APC: variants seen among roughly 807,000 people sequenced by gnomAD.
APC encodes APC regulator of Wnt signaling pathway.
APC carries 72 observed loss-of-function variants against 247.0 expected under a neutral mutation model. The observed-to-expected ratio is 0.29, with a 90% confidence interval of 0.24 to 0.35. The LOEUF (loss-of-function observed/expected upper bound fraction) is 0.35, where lower values mean the gene tolerates loss of function less well. APC is among the 10% of genes least tolerant of loss of function. The pLI is 1.00. For synonymous variants in APC, 1,254 were observed against 1,162.5 expected, an observed-to-expected ratio of 1.08 and a Z score of -1.60; for missense variants, 3,400 against 3,360.7, an observed-to-expected ratio of 1.01 and a Z score of -0.29.
intron 1 of APC, among the ~76,000 whole-genome samples, chr5:112,727,150 A>G (rs910472143): frequency 1.6e-4 from 24 of 151,900 alleles, no homozygotes; most frequent in African/African-American, 5.1e-4. Context: ...GAGGTTTCCA[A>G]TTTGATTGAC....
chr5:112,748,170 G>A (rs1753894394), intron 1 of APC, among the ~76,000 whole-genome samples: 2 of 152,288 alleles, frequency 1.3e-5, no homozygotes, highest in East Asian at 1.9e-4. Context: ...GCTTGGATAG[G>A]TCTAGCCAGT....
chr5:112,773,984 A>G (rs1757326229), intron 4 of APC, among the ~76,000 whole-genome samples: 1 of 152,206 alleles, frequency 6.6e-6, no homozygotes. Context: ...GGTAGCATAC[A>G]TTGGTATAAC....
chr5:112,774,988 C>A (rs976880835), intron 4 of APC, among the ~76,000 whole-genome samples: 1 of 152,008 alleles, frequency 6.6e-6, no homozygotes, highest in African/African-American at 2.4e-5. Flanking sequence ...CTTTTTGTAC[C>A]TCTTGAGTTT....
At chr5:112,737,677 G>GGGGCTA (rs1011523014), upstream of APC, among the ~76,000 whole-genome samples, 19 of 152,364 alleles carry the variant, frequency 1.2e-4, no homozygotes, top group African/African-American at 4.3e-4. Flanking sequence ...CGAGGGGTAC[G>GGGGCTA]GGGCTAGGGC....
chr5:112,839,404 T>G lies in APC; in HGVS notation c.3810T>G (p.Cys1270Trp), dbSNP rs863225347. 6.2e-7 allele frequency: 1 copy of G among 1,614,126 alleles called. No individual in the cohort carries two copies. Among genetic ancestry groups the G allele is most frequent in the Non-Finnish European group, 8.5e-7 (1 of 1,179,998 alleles). Reference protein sequence around the residue: ...QTYCVEDTPICFSRCSSLSSL... With the variant: ...QTYCVEDTPIWFSRCSSLSSL... ...ATTGTGTAGAAGATACTCCAATATG[T>G]TTTTCAAGATGTAGTTCATTATCAT... The change falls in exon 16 of 16, where the codon TGT becomes TGG. Residue 1270 changes from cysteine to tryptophan, a missense_variant. Physicochemically the swap from Cys to Trp is radical, Grantham distance 215 (BLOSUM62 -2). Around this residue, in one of 9 missense-constraint regions of APC, gnomAD observed 715 missense variants for 656.6 expected, o/e 1.09. Transcript: ENST00000257430. The surrounding 1 kb of genome is among the most constrained non-coding windows in gnomAD (Gnocchi z 5.0).
At chr5:112,823,308 T>C (rs1373567788) in intron 11 of APC, 1 of 152,586 alleles carries the variant, frequency 6.6e-6, no homozygotes, top group Non-Finnish European at 1.5e-5. Flanking sequence ...CTTCTTCAGG[T>C]AGGAAGGCTA....
intron 5 of APC, among the ~76,000 whole-genome samples, chr5:112,780,250 T>G (rs1758176645): frequency 6.6e-6 from 1 of 152,222 alleles, no homozygotes; most frequent in South Asian, 2.1e-4. Flanking sequence ...ATCTACTCTA[T>G]TTATGATTAT....
rs1765280793 is a variant in APC, at chr5:112,838,440, T to A, written c.2846T>A (p.Met949Lys). 1 of 1,614,228 alleles carries A rather than the reference T, an allele frequency of 6.2e-7. No homozygotes were observed. Among genetic ancestry groups the A allele is most frequent in the Non-Finnish European group, 8.5e-7 (1 of 1,180,044 alleles). ...KSENSNRTCS[M>K]PYAKLEYKRS... Reference sequence around the variant, plus strand: ...GAAAATTCAAATAGGACATGTTCTATGCCTTATGCCAAATTAGAATACAAG... The same window carrying A: ...GAAAATTCAAATAGGACATGTTCTAAGCCTTATGCCAAATTAGAATACAAG... The change falls in exon 16 of 16, where the codon ATG (methionine) becomes AAG (lysine). Residue 949 changes from methionine (M) to lysine (K), a missense_variant. By Grantham distance (95) the Met-to-Lys change is moderately conservative. Around this residue, in one of 9 missense-constraint regions of APC, gnomAD observed 715 missense variants for 656.6 expected, o/e 1.09. Transcript: ENST00000257430.
rs370957131 is a variant in APC at position 112,768,999 on chromosome 5, T to G, written c.422+1609T>G. Among the ~76,000 whole-genome samples, 11 of 152,072 alleles carry G rather than the reference T, an allele frequency of 7.2e-5. No individual in the cohort carries two copies. In the South Asian group the frequency reaches 1.0e-3, roughly 14 times the overall value. Reference sequence around the variant, plus strand: ...TCCCTCTGTGTTTCCTAGCCTCTAGTATTTACTTTTTACTTCTGTTAGTAA... The same window carrying G: ...TCCCTCTGTGTTTCCTAGCCTCTAGGATTTACTTTTTACTTCTGTTAGTAA... On this transcript the variant is annotated intron_variant, in intron 4 of 15. Coordinates refer to ENST00000257430, the MANE Select transcript of APC (RefSeq NM_000038.6).
chr5:112,814,315 G>T (rs1762268105), intron 8 of APC, among the ~76,000 whole-genome samples: 1 of 152,088 alleles, frequency 6.6e-6, no homozygotes. Context: ...TTTGTTTTCA[G>T]GTGCCCATTG....
intron 1 of APC, among the ~76,000 whole-genome samples, chr5:112,719,035 G>T (rs1051602433): frequency 2.6e-5 from 4 of 152,186 alleles, no homozygotes; most frequent in African/African-American, 9.7e-5. Flanking sequence ...AAAAATACTT[G>T]TATGTGAGTA....
At chr5:112,765,203 C>G (rs1014701101) in intron 2 of APC, among the ~76,000 whole-genome samples, 5 of 152,186 alleles carry the variant, frequency 3.3e-5, no homozygotes, top group African/African-American at 4.8e-5. Flanking sequence ...CTTCTGGGCT[C>G]AAGTGATTCT....
intron 4 of APC, among the ~76,000 whole-genome samples, chr5:112,774,002 A>G (rs1757327839): frequency 6.6e-6 from 1 of 152,192 alleles, no homozygotes. Context: ...AACATCTCAC[A>G]AGGGCAGTAA....
At chr5:112,832,753 C>T (rs1026349340) in intron 14 of APC, among the ~76,000 whole-genome samples, 2 of 152,144 alleles carry the variant, frequency 1.3e-5, no homozygotes, top group African/African-American at 2.4e-5. Flanking sequence ...GAGCTGTTCT[C>T]CTCCATGAAA....
chr5:112,835,731 C>T (rs1428870362), intron 15 of APC, among the ~76,000 whole-genome samples: 1 of 151,932 alleles, frequency 6.6e-6, no homozygotes, highest in Admixed American at 6.6e-5. Context: ...CGCCACAACA[C>T]CCGGCTAATT....
At chr5:112,837,118 T>C (rs1240555333) in intron 15 of APC, among the ~76,000 whole-genome samples, 1 of 152,178 alleles carries the variant, frequency 6.6e-6, no homozygotes, top group African/African-American at 2.4e-5. Context: ...TGCAGAAAAA[T>C]CTTCAATCAA....
chr5:112,736,490 G>T (rs924445285), upstream of APC, among the ~76,000 whole-genome samples: 1 of 152,180 alleles, frequency 6.6e-6, no homozygotes, highest in African/African-American at 2.4e-5. Context: ...ACATTTTGTT[G>T]TGTGTCTATT....
chr5:112,770,453 A>G (rs1316984507), intron 4 of APC, among the ~76,000 whole-genome samples: 3 of 152,126 alleles, frequency 2.0e-5, no homozygotes, highest in Non-Finnish European at 4.4e-5. Context: ...TTACTGTAGA[A>G]AAGACGTCTT....
Position 112,842,785 on chromosome 5 carries a change from C to T in APC, c.7191C>T (p.Ala2397=), listed in dbSNP as rs2149981828. 6.2e-7 allele frequency: 1 copy of T among 1,613,716 alleles called. No homozygotes were observed. The highest frequency in any genetic ancestry group is 8.5e-7 in the Non-Finnish European group (1 of 1,179,668). ...NASSIPRSES[A]SKGLNQMNNG... is the part of the protein sequence containing the mutation. The stretch of plus-strand genomic sequence containing the variant: ...GTAGTATTCCAAGAAGTGAGTCTGC[C>T]TCCAAAGGACTAAATCAGATGAATA... Residue 2397 remains alanine, a synonymous_variant, in exon 16 of 16, where the codon GCC becomes GCT. Transcript: ENST00000257430.
Sources: allele counts gnomAD v4.1 joint callset (sites outside exome capture counted in the v4.1 genomes callset), GRCh38; gene constraint gnomAD v4.1.1; regional missense constraint gnomAD v4.1.1; non-coding constraint Gnocchi (gnomAD v3.1); transcripts MANE v1.5; gene names NCBI Gene and HGNC (gene_info 2026-07-23, HGNC 2026-07-21).